SASH1: variants seen among roughly 807,000 people sequenced by gnomAD.
SASH1 encodes SAM and SH3 domain-containing protein 1.
SASH1 carries 44 observed loss-of-function variants against 125.2 expected under a neutral mutation model. The ratio of observed to expected loss-of-function variants is 0.35; its 90% CI spans 0.28 to 0.45. SASH1 has a LOEUF of 0.45. Among genes scored for constraint, SASH1 ranks in the 20% least tolerant of loss-of-function variants. The pLI is 1.00. For missense variants in SASH1, 1,426 were observed against 1,614.5 expected (o/e 0.88, Z 2.00); for synonymous variants, 639 against 649.1 (o/e 0.98, Z 0.24).
chr6:148,367,609 C>G (rs927748428), intron 1 of SASH1, among the ~76,000 whole-genome samples: 1 of 152,230 alleles, frequency 6.6e-6, no homozygotes, highest in African/African-American at 2.4e-5. Flanking sequence ...ACGCAGCCCT[C>G]CTGCCCTCTG....
intron 8 of SASH1, chr6:148,512,787 G>C: frequency 3.0e-6 from 3 of 984,810 alleles, no homozygotes; most frequent in Non-Finnish European, 3.6e-6. Context: ...TAATTTTAGA[G>C]AAATTGGACA....
intron 1 of SASH1, among the ~76,000 whole-genome samples, chr6:148,360,637 C>CCG (rs1554242919): frequency 5.3e-5 from 1 of 18,822 alleles, no homozygotes; most frequent in Non-Finnish European, 1.0e-4. Flanking sequence ...GCGTGAGCCA[C>CCG]CCCCCCGCCA....
chr6:148,282,658 A>T (rs1779373035), intron 1 of SASH1, among the ~76,000 whole-genome samples: 1 of 151,778 alleles, frequency 6.6e-6, no homozygotes, highest in South Asian at 2.1e-4. Context: ...GGGGTTACAG[A>T]CGTGAGCCAC....
chr6:148,472,506 G>A (rs1193181848), intron 6 of SASH1, among the ~76,000 whole-genome samples: 2 of 151,520 alleles, frequency 1.3e-5, no homozygotes, highest in Non-Finnish European at 2.9e-5. Context: ...GAGAGGGAGG[G>A]AAGGAGGAAG....
At chr6:148,429,414 A>C (rs140049558) in intron 2 of SASH1, among the ~76,000 whole-genome samples, 25,307 of 134,760 alleles carry the variant, frequency 0.19, 2,765 homozygotes, top group East Asian at 0.28. Flanking sequence ...AAAAAAAAAG[A>C]GGAAGGAAAA....
rs71031061 is a variant in SASH1 at position 148,302,782 on chromosome 6, A to ATGTG, written n.74+30413_74+30416dup. Reference sequence around the variant, plus strand: ...ATATACTGTGTGTGTGTATATATATATGTGTGTGTGTATATATTCGAACTC... The same window carrying ATGTG: ...ATATACTGTGTGTGTGTATATATATATGTGTGTGTGTGTGTATATATTCGAACTC... On this transcript the variant is annotated intron_variant and non_coding_transcript_variant, in intron 1 of 3. Coordinates refer to the SASH1 transcript ENST00000367469. Among the ~76,000 whole-genome samples the ATGTG allele has an allele frequency of 1.6e-3, 241 of 147,612 alleles. 1 individual carries two copies. Among genetic ancestry groups the ATGTG allele is most frequent in the Middle Eastern group, 6.9e-3 (2 of 288 alleles).
At chr6:148,514,812 A>G (rs931351841) in intron 9 of SASH1, among the ~76,000 whole-genome samples, 2 of 152,234 alleles carry the variant, frequency 1.3e-5, no homozygotes, top group South Asian at 2.1e-4. Context: ...AGAAAGGACT[A>G]TGGTTCTTGC....
chr6:148,461,844 T>C (rs1349078633), intron 4 of SASH1, among the ~76,000 whole-genome samples: 1 of 152,178 alleles, frequency 6.6e-6, no homozygotes, highest in Non-Finnish European at 1.5e-5. Context: ...AATTGAGGAA[T>C]TACTTCTTTA....
exon 1 of SASH1, chr6:148,272,332 G>A (rs1779081456): frequency 2.1e-6 from 1 of 470,682 alleles, no homozygotes. Flanking sequence ...GAGACCATTT[G>A]AACGTATGGC....
At chr6:148,512,668 C>T (rs1562471377) in intron 8 of SASH1, 21 of 984,784 alleles carry the variant, frequency 2.1e-5, no homozygotes, top group Non-Finnish European at 2.4e-5. Context: ...TGTCAGCATC[C>T]AGTGTAGCCT....
chr6:148,386,329 A>T (rs1312721521), intron 1 of SASH1, among the ~76,000 whole-genome samples: 1 of 152,264 alleles, frequency 6.6e-6, no homozygotes, highest in Non-Finnish European at 1.5e-5. Context: ...TAATAATTAC[A>T]TAAATAATAT....
intron 1 of SASH1, among the ~76,000 whole-genome samples, chr6:148,274,480 C>A (rs886525088): frequency 2.6e-5 from 4 of 152,206 alleles, no homozygotes; most frequent in Non-Finnish European, 2.9e-5. Context: ...GGACTATGCC[C>A]TCTTAATCCC....
At chr6:148,525,744 T>C (rs1781105782) in intron 11 of SASH1, among the ~76,000 whole-genome samples, 1 of 152,232 alleles carries the variant, frequency 6.6e-6, no homozygotes, top group Non-Finnish European at 1.5e-5. Flanking sequence ...AGTGGAGCCC[T>C]GTGATTTGGT....
intron 8 of SASH1, chr6:148,508,348 C>CT (rs1258200209): frequency 1.8e-5 from 7 of 392,126 alleles, no homozygotes; most frequent in African/African-American, 2.2e-5. Context: ...AAAAAGAGAT[C>CT]TTTTTTTAAG....
chr6:148,243,450 A>AAATAATT, the SASH1 span, among the ~76,000 whole-genome samples: 1 of 138,556 alleles, frequency 7.2e-6, no homozygotes, highest in East Asian at 2.1e-4. Flanking sequence ...AATTCCATCT[A>AAATAATT]AATAATAATA....
At chr6:148,198,735 A>G in the SASH1 span, among the ~76,000 whole-genome samples, 1 of 152,220 alleles carries the variant, frequency 6.6e-6, no homozygotes, top group East Asian at 1.9e-4. Flanking sequence ...TTTGACCTAC[A>G]TATGGTTTTT....
intron 1 of SASH1, among the ~76,000 whole-genome samples, chr6:148,304,289 A>C (rs996942174): frequency 6.6e-6 from 1 of 151,952 alleles, no homozygotes; most frequent in African/African-American, 2.4e-5. Context: ...AAATACAAAA[A>C]ATTAGCGTGG....
At chr6:148,410,174 G>A (rs897756685) in intron 2 of SASH1, among the ~76,000 whole-genome samples, 2 of 122,660 alleles carry the variant, frequency 1.6e-5, no homozygotes, top group Non-Finnish European at 3.2e-5. Context: ...GCAGTGGCGC[G>A]ATCTTGGCTC....
intron 2 of SASH1, among the ~76,000 whole-genome samples, chr6:148,404,888 T>G (rs1161322102): frequency 6.6e-6 from 1 of 150,832 alleles, no homozygotes; most frequent in Admixed American, 6.6e-5. Context: ...GCAGCAACTT[T>G]TTGTGTTTTT....
Sources: allele counts gnomAD v4.1 joint callset (sites outside exome capture counted in the v4.1 genomes callset), GRCh38; gene constraint gnomAD v4.1.1; transcripts MANE v1.5; gene names NCBI Gene and HGNC (gene_info 2026-07-23, HGNC 2026-07-21).